ARHGAP15: variants seen among roughly 807,000 people sequenced by gnomAD.
ARHGAP15 encodes the protein Rho GTPase activating protein 15.
ARHGAP15 carries 51 observed loss-of-function variants against 63.7 expected under a neutral mutation model. The ratio of observed to expected loss-of-function variants is 0.80; its 90% CI spans 0.64 to 1.01. The LOEUF (loss-of-function observed/expected upper bound fraction) is 1.01. Among genes scored for constraint, ARHGAP15 ranks in the 50% least tolerant of loss-of-function variants. ARHGAP15 has a pLI of 0.00. For missense variants in ARHGAP15, 560 were observed against 564.6 expected (o/e 0.99, Z 0.08); for synonymous variants, 191 against 193.8 (o/e 0.99, Z 0.12).
intron 9 of ARHGAP15, among the ~76,000 whole-genome samples, chr2:143,516,036 C>A (rs1693799269): frequency 6.6e-6 from 1 of 152,110 alleles, no homozygotes; most frequent in African/African-American, 2.4e-5. Context: ...TTCAGTTATT[C>A]AGAGAAGGGA....
intron 9 of ARHGAP15, among the ~76,000 whole-genome samples, chr2:143,507,001 C>G (rs1190380575): frequency 6.6e-6 from 1 of 152,128 alleles, no homozygotes; most frequent in Non-Finnish European, 1.5e-5. Context: ...TTTATGCACT[C>G]ATTAGGCAAC....
chr2:143,705,821 G>T (rs2105429105), intron 13 of ARHGAP15, among the ~76,000 whole-genome samples: 1 of 152,132 alleles, frequency 6.6e-6, no homozygotes, highest in African/African-American at 2.4e-5. Context: ...ACACAGAAGA[G>T]AATCTATCTA....
intron 13 of ARHGAP15, among the ~76,000 whole-genome samples, chr2:143,755,276 G>T (rs944149834): frequency 2.1e-5 from 2 of 95,920 alleles, no homozygotes; most frequent in Admixed American, 9.4e-5. Context: ...AGCATATATG[G>T]GGGGGGGGGA....
At chr2:143,690,104 G>C (rs920522560) in intron 12 of ARHGAP15, among the ~76,000 whole-genome samples, 9 of 152,154 alleles carry the variant, frequency 5.9e-5, no homozygotes, top group Non-Finnish European at 1.2e-4. Flanking sequence ...AGAAATATAA[G>C]GATGCTTCTA....
intron 12 of ARHGAP15, among the ~76,000 whole-genome samples, chr2:143,634,359 C>A (rs866902313): frequency 6.6e-6 from 1 of 152,138 alleles, no homozygotes; most frequent in Admixed American, 6.5e-5. Flanking sequence ...CATTTACTAT[C>A]TAGACCTAGA....
intron 6 of ARHGAP15, among the ~76,000 whole-genome samples, chr2:143,254,303 C>T (rs769864068): frequency 1.3e-4 from 20 of 151,900 alleles, no homozygotes; most frequent in East Asian, 1.9e-4. Flanking sequence ...CTCACACAAG[C>T]GGGGCTACTG....
intron 12 of ARHGAP15, among the ~76,000 whole-genome samples, chr2:143,655,847 C>A (rs2105309440): frequency 6.6e-6 from 1 of 152,136 alleles, no homozygotes; most frequent in South Asian, 2.1e-4. Context: ...AAAAAAGTTC[C>A]AAAAGGAGAA....
chr2:143,573,403 A>G (rs1027359526), intron 11 of ARHGAP15, among the ~76,000 whole-genome samples: 1 of 152,200 alleles, frequency 6.6e-6, no homozygotes, highest in African/African-American at 2.4e-5. Flanking sequence ...CAAAAATAAC[A>G]TGTAAACTAC....
intron 13 of ARHGAP15, among the ~76,000 whole-genome samples, chr2:143,731,845 A>G (rs971441973): frequency 3.9e-5 from 6 of 152,238 alleles, no homozygotes; most frequent in Non-Finnish European, 7.3e-5. Context: ...CAATTCAACA[A>G]CCATGTAAAG....
Position 143,611,168 on chromosome 2 carries a change from T to G in ARHGAP15, c.1004-12965T>G, listed in dbSNP as rs182474599. ...ATTATTAATCCAGGAACTCATGTTG[T>G]TTGTTAGTTTTTTTAATGTAATGGT... is the stretch of plus-strand genomic sequence containing the variant. On this transcript the variant is annotated intron_variant, in intron 11 of 13. Coordinates refer to ENST00000295095, the MANE Select transcript of ARHGAP15 (RefSeq NM_018460.4). 3.3e-5 allele frequency among the ~76,000 whole-genome samples: 5 copies of G among 152,276 alleles called. No homozygotes were observed. The East Asian group carries it at 9.7e-4, about 29-fold the overall frequency.
intron 13 of ARHGAP15, among the ~76,000 whole-genome samples, chr2:143,738,101 T>C (rs1228523065): frequency 6.6e-6 from 1 of 150,852 alleles, no homozygotes; most frequent in Non-Finnish European, 1.5e-5. Context: ...AGCATATATA[T>C]ATTTTTTAAC....
At chr2:143,539,358 G>T (rs1431072093) in intron 10 of ARHGAP15, among the ~76,000 whole-genome samples, 3 of 151,340 alleles carry the variant, frequency 2.0e-5, no homozygotes, top group African/African-American at 4.9e-5. Flanking sequence ...TTTTTGAAGG[G>T]TTTTTTGTGT....
At chr2:143,402,637 G>A (rs1328826731) in intron 6 of ARHGAP15, among the ~76,000 whole-genome samples, 5 of 151,774 alleles carry the variant, frequency 3.3e-5, no homozygotes, top group African/African-American at 1.2e-4. Flanking sequence ...TCTGCTCTGT[G>A]TGCGTTTCCC....
At chr2:143,541,649 C>A (rs1695057524) in intron 10 of ARHGAP15, among the ~76,000 whole-genome samples, 1 of 152,160 alleles carries the variant, frequency 6.6e-6, no homozygotes, top group East Asian at 1.9e-4. Context: ...CCACTCCAGA[C>A]CCTGTTTGCC....
chr2:143,727,659 G>A (rs568974168), intron 13 of ARHGAP15, among the ~76,000 whole-genome samples: 2 of 152,300 alleles, frequency 1.3e-5, no homozygotes, highest in South Asian at 4.1e-4. Flanking sequence ...TCGAATGAAC[G>A]GGGCTGTTCT....
chr2:143,235,174 A>G (rs1161014628), intron 5 of ARHGAP15, among the ~76,000 whole-genome samples: 1 of 152,114 alleles, frequency 6.6e-6, no homozygotes, highest in African/African-American at 2.4e-5. Context: ...TAATCAAGAT[A>G]TAGTCTTTGC....
intron 13 of ARHGAP15, among the ~76,000 whole-genome samples, chr2:143,738,103 T>TATATATATATA (rs1553535484): frequency 6.6e-6 from 1 of 151,474 alleles, no homozygotes; most frequent in African/African-American, 2.5e-5. Context: ...CATATATATA[T>TATATATATATA]TTTTTAACTT....
chr2:143,617,610 C>G (rs1431279930), intron 11 of ARHGAP15, among the ~76,000 whole-genome samples: 1 of 152,134 alleles, frequency 6.6e-6, no homozygotes, highest in African/African-American at 2.4e-5. Flanking sequence ...GATCCAATCT[C>G]CAAACATAGT....
chr2:143,703,557 T>C, intron 13 of ARHGAP15, 33 bp downstream of exon 13: 1 of 1,521,094 alleles, frequency 6.6e-7, no homozygotes, highest in Non-Finnish European at 9.0e-7. Context: ...TGTGTCATTT[T>C]ATAGTCATTT....
Sources: gnomAD v4.1 joint callset for allele counts (sites outside exome capture counted in the v4.1 genomes callset) on GRCh38, gnomAD v4.1.1 for gene constraint, MANE v1.5 for transcripts, NCBI Gene and HGNC (gene_info 2026-07-23, HGNC 2026-07-21) for gene names.